PRKG1: variants seen among roughly 807,000 people sequenced by gnomAD.
PRKG1 encodes the protein protein kinase cGMP-dependent 1.
A neutral mutation model predicts 88.1 loss-of-function variants in PRKG1; 35 were observed. That is an observed-to-expected ratio of 0.40 (90% CI 0.30 to 0.53). The LOEUF (loss-of-function observed/expected upper bound fraction) is 0.53. Among genes scored for constraint, PRKG1 ranks in the 20% least tolerant of loss-of-function variants. The pLI is 0.59. For missense variants in PRKG1, 540 were observed against 839.8 expected, an observed-to-expected ratio of 0.64 and a Z score of 4.41; for synonymous variants, 303 against 292.5, an observed-to-expected ratio of 1.04 and a Z score of -0.37.
intron 2 of PRKG1, among the ~76,000 whole-genome samples, chr10:51,393,004 C>G (rs1208624364): frequency 1.3e-5 from 2 of 151,048 alleles, no homozygotes; most frequent in African/African-American, 4.9e-5. Flanking sequence ...CGGGCAGAGA[C>G]ACTCCTCACT....
intron 7 of PRKG1, among the ~76,000 whole-genome samples, chr10:52,090,902 T>G (rs117039723): frequency 9.8e-5 from 15 of 152,368 alleles, no homozygotes; most frequent in Admixed American, 4.6e-4. Context: ...TGTCAACCTG[T>G]GAAAATTACC....
rs142589516 is a variant in PRKG1 at position 51,994,771 on chromosome 10, A to G, written c.763-59713A>G. ...TGCCTGCTGAGCTTTTTTAATCTAA[A>G]GGGAAGGAAGTACTGTTTTATTTGA... On this transcript the variant is annotated intron_variant, in intron 5 of 17. Transcript: ENST00000373980. Among the ~76,000 whole-genome samples, 85 of 152,278 alleles carry G rather than the reference A, an allele frequency of 5.6e-4. No individual in the cohort carries two copies. In the East Asian group the frequency reaches 0.012, roughly 21 times the overall value.
intron 7 of PRKG1, among the ~76,000 whole-genome samples, chr10:52,116,698 G>T (rs1404842812): frequency 6.6e-6 from 1 of 152,104 alleles, no homozygotes; most frequent in Non-Finnish European, 1.5e-5. Flanking sequence ...TAGACATGAT[G>T]TAATAATAAT....
chr10:51,052,756 G>T (rs934452813), intron 1 of PRKG1, among the ~76,000 whole-genome samples: 11 of 152,160 alleles, frequency 7.2e-5, no homozygotes, highest in Non-Finnish European at 8.8e-5. Context: ...GCTTTGCCCC[G>T]TGAGAAGAGA....
At chr10:51,907,668 A>G in intron 5 of PRKG1, 98 bp downstream of exon 5, 2 of 1,113,136 alleles carry the variant, frequency 1.8e-6, no homozygotes, top group Middle Eastern at 2.0e-4. Context: ...AACTGCAGAG[A>G]TCTTTAAAAA....
At chr10:52,217,602 A>G (rs1382187154) in intron 9 of PRKG1, among the ~76,000 whole-genome samples, 1 of 152,182 alleles carries the variant, frequency 6.6e-6, no homozygotes, top group African/African-American at 2.4e-5. Context: ...ACCCAGGTTT[A>G]CAGTTACTCA....
chr10:51,440,843 C>T lies in PRKG1; in HGVS notation c.479-26880C>T, dbSNP rs564238975. On this transcript the variant is annotated intron_variant, in intron 2 of 17. Transcript: ENST00000373980. The stretch of plus-strand genomic sequence containing the variant: ...GCTTAAAGAAGTTACGAGAGAGCAA[C>T]TAAAACAGCCAAGAAGGCAAAAATT... Among the ~76,000 whole-genome samples, 11 of 151,960 alleles carry T rather than the reference C, an allele frequency of 7.2e-5. No homozygotes were observed. The South Asian group carries it at 1.9e-3, about 26-fold the overall frequency.
chr10:51,195,956 C>T (rs979905406), intron 2 of PRKG1, among the ~76,000 whole-genome samples: 1 of 152,164 alleles, frequency 6.6e-6, no homozygotes, highest in Non-Finnish European at 1.5e-5. Flanking sequence ...GGGTAGAACA[C>T]ATTTTCCACT....
chr10:51,147,420 T>A (rs1471988088), intron 1 of PRKG1, among the ~76,000 whole-genome samples: 1 of 136,850 alleles, frequency 7.3e-6, no homozygotes, highest in African/African-American at 3.0e-5. Context: ...CGTTACTACA[T>A]GTCAACTAAA....
At chr10:51,567,962 G>C (rs963395125) in intron 3 of PRKG1, among the ~76,000 whole-genome samples, 16 of 152,070 alleles carry the variant, frequency 1.1e-4, no homozygotes, top group Non-Finnish European at 2.1e-4. Context: ...AGGTATTCTG[G>C]GCTGCTTTCT....
chr10:51,823,866 C>CTTTTTT (rs5784887), intron 4 of PRKG1, among the ~76,000 whole-genome samples: 1 of 78,734 alleles, frequency 1.3e-5, no homozygotes, highest in Non-Finnish European at 2.3e-5. Context: ...TTTCTCTCTC[C>CTTTTTT]TTTTTTTTTT....
intron 9 of PRKG1, among the ~76,000 whole-genome samples, chr10:52,166,819 G>A (rs12772736): frequency 0.066 from 3,648 of 55,194 alleles, 310 homozygotes; most frequent in East Asian, 0.44. Flanking sequence ...GTATATATAT[G>A]TATATATATG....
chr10:52,280,990 T>A, intron 13 of PRKG1, 60 bp downstream of exon 13: 1 of 1,527,052 alleles, frequency 6.5e-7, no homozygotes, highest in East Asian at 2.3e-5. Context: ...TTTATAAAAC[T>A]GTGTTCATTT....
At chr10:51,323,303 A>G (rs1380675189) in intron 2 of PRKG1, among the ~76,000 whole-genome samples, 1 of 152,234 alleles carries the variant, frequency 6.6e-6, no homozygotes, top group African/African-American at 2.4e-5. Context: ...ATTAGCCTAG[A>G]TTACAAAAAT....
At chr10:51,534,978 T>C (rs1021127611) in intron 3 of PRKG1, among the ~76,000 whole-genome samples, 1 of 152,152 alleles carries the variant, frequency 6.6e-6, no homozygotes, top group African/African-American at 2.4e-5. Context: ...GTTATCTGGT[T>C]TTTGTCAATA....
At chr10:51,200,040 G>A (rs371587278) in intron 2 of PRKG1, among the ~76,000 whole-genome samples, 1 of 152,150 alleles carries the variant, frequency 6.6e-6, no homozygotes, top group Non-Finnish European at 1.5e-5. Flanking sequence ...AAGAAGGATC[G>A]CCTCTTCTGA....
chr10:51,871,427 C>G (rs1455680449), intron 4 of PRKG1, among the ~76,000 whole-genome samples: 1 of 152,172 alleles, frequency 6.6e-6, no homozygotes, highest in Non-Finnish European at 1.5e-5. Context: ...TAGCCCTGTT[C>G]CAGCCTGGCC....
chr10:52,268,666 A>G (rs1389186925), intron 10 of PRKG1, among the ~76,000 whole-genome samples: 1 of 152,026 alleles, frequency 6.6e-6, no homozygotes, highest in Non-Finnish European at 1.5e-5. Flanking sequence ...GGGAAGCAGC[A>G]TATACTGGAA....
intron 1 of PRKG1, among the ~76,000 whole-genome samples, chr10:51,105,896 G>A (rs1180462261): frequency 6.6e-6 from 1 of 152,136 alleles, no homozygotes; most frequent in Non-Finnish European, 1.5e-5. Flanking sequence ...ACAAATTAGA[G>A]CAAAATTAAT....
Sources: gnomAD v4.1 joint callset for allele counts (sites outside exome capture counted in the v4.1 genomes callset) on GRCh38, gnomAD v4.1.1 for gene constraint, MANE v1.5 for transcripts, NCBI Gene and HGNC (gene_info 2026-07-23, HGNC 2026-07-21) for gene names.